The following METTL15 variants were observed in gnomAD, a reference collection of about 807,000 sequenced individuals.
The protein encoded by METTL15 is 12S rRNA N(4)-cytidine methyltransferase METTL15.
In METTL15, 34 loss-of-function variants were observed where a neutral mutation model predicts 38.3. That is an observed-to-expected ratio of 0.89 (90% CI 0.68 to 1.18). The LOEUF is 1.18. Among genes scored for constraint, METTL15 ranks in the 50% most tolerant of loss-of-function variants. The pLI, the probability that METTL15 is intolerant of heterozygous loss-of-function variation, is 0.00. For synonymous variants in METTL15, 162 were observed against 170.9 expected (o/e 0.95, Z 0.41); for missense variants, 438 against 498.4 (o/e 0.88, Z 1.15).
intron 3 of METTL15, among the ~76,000 whole-genome samples, chr11:28,154,038 T>G (rs1850181577): frequency 6.6e-6 from 1 of 152,162 alleles, no homozygotes; most frequent in Non-Finnish European, 1.5e-5. Flanking sequence ...ATTTTCAAAG[T>G]GGGTTCTTAC....
At chr11:28,379,886 T>A (rs1850362464) in intron 5 of METTL15, among the ~76,000 whole-genome samples, 1 of 152,322 alleles carries the variant, frequency 6.6e-6, no homozygotes, top group African/African-American at 2.4e-5. Flanking sequence ...TGTATTTGGG[T>A]GCTCCAGTGA....
At chr11:28,287,044 T>C (rs953623586) in intron 4 of METTL15, among the ~76,000 whole-genome samples, 4 of 151,168 alleles carry the variant, frequency 2.6e-5, no homozygotes, top group African/African-American at 9.7e-5. Context: ...GCACTATATA[T>C]ATGTACATAT....
chr11:28,287,868 G>A (rs984962436), intron 4 of METTL15, among the ~76,000 whole-genome samples: 22 of 151,980 alleles, frequency 1.4e-4, no homozygotes, highest in African/African-American at 4.8e-4. Flanking sequence ...CATTCTTCTG[G>A]GGACCAGGGG....
chr11:28,239,660 A>G (rs948699828), intron 4 of METTL15, among the ~76,000 whole-genome samples: 3 of 152,120 alleles, frequency 2.0e-5, no homozygotes, highest in Non-Finnish European at 4.4e-5. Flanking sequence ...CTTCCCAGCT[A>G]CCTTGCTGTT....
chr11:28,192,038 A>G lies in METTL15; in HGVS notation c.271-19024A>G, dbSNP rs528525669. ...ATAATCTCAAGTTATTTGAGTTACTATGTTTTACATCAAACATAGGCAACT... is the reference window on the plus strand; with the variant it reads ...ATAATCTCAAGTTATTTGAGTTACTGTGTTTTACATCAAACATAGGCAACT... On this transcript the variant is annotated intron_variant, in intron 3 of 6. Transcript: ENST00000407364. 7.9e-5 allele frequency among the ~76,000 whole-genome samples: 12 copies of G among 151,896 alleles called. No individual in the cohort carries two copies. In the Middle Eastern group the frequency reaches 0.01, roughly 129 times the overall value.
At chr11:28,265,785 A>T (rs910622313) in intron 4 of METTL15, among the ~76,000 whole-genome samples, 1 of 152,212 alleles carries the variant, frequency 6.6e-6, no homozygotes, top group Non-Finnish European at 1.5e-5. Flanking sequence ...TCCACATTTG[A>T]TAGATACTGG....
intron 5 of METTL15, among the ~76,000 whole-genome samples, chr11:28,413,466 T>C (rs181732791): frequency 1.3e-5 from 2 of 152,324 alleles, no homozygotes; most frequent in Non-Finnish European, 2.9e-5. Flanking sequence ...CAAAATAATG[T>C]ATATGCAAAT....
intron 5 of METTL15, among the ~76,000 whole-genome samples, chr11:28,294,523 A>G (rs531490988): frequency 6.6e-6 from 1 of 152,294 alleles, no homozygotes; most frequent in East Asian, 1.9e-4. Context: ...TCTCATGTAG[A>G]AGCAATAGAA....
At chr11:28,219,920 G>A (rs1459765450) in intron 4 of METTL15, among the ~76,000 whole-genome samples, 1 of 152,186 alleles carries the variant, frequency 6.6e-6, no homozygotes, top group Non-Finnish European at 1.5e-5. Flanking sequence ...ACTATGGTCT[G>A]AGAGACAGTT....
rs1487675948 is a variant in METTL15 at position 28,160,318 on chromosome 11, C to A, written c.270+46714C>A. On this transcript the variant is annotated intron_variant, in intron 3 of 6. Transcript: ENST00000407364. ...CCGTTAGTTCTGTTCCTTTAGAGAACCCTGACTAATACAAGCCTATTGTTG... is the reference window on the plus strand; with the variant it reads ...CCGTTAGTTCTGTTCCTTTAGAGAAACCTGACTAATACAAGCCTATTGTTG... Among the ~76,000 whole-genome samples, 6 of 151,772 alleles carry A rather than the reference C, an allele frequency of 4.0e-5. No individual in the cohort carries two copies. In the East Asian group the frequency reaches 7.7e-4, roughly 20 times the overall value.
At chr11:28,513,979 C>T (rs1043635622) in intron 6 of METTL15, among the ~76,000 whole-genome samples, 6 of 152,302 alleles carry the variant, frequency 3.9e-5, no homozygotes, top group African/African-American at 1.4e-4. Context: ...CAGTTTATGG[C>T]CAGATTTTGG....
intron 6 of METTL15, among the ~76,000 whole-genome samples, chr11:28,438,743 C>T (rs561596336): frequency 1.4e-5 from 2 of 144,870 alleles, no homozygotes; most frequent in East Asian, 4.1e-4. Context: ...GGCACGAACT[C>T]GGCTCACTGC....
intron 6 of METTL15, among the ~76,000 whole-genome samples, chr11:28,478,045 A>G (rs1205220384): frequency 6.6e-6 from 1 of 152,136 alleles, no homozygotes; most frequent in African/African-American, 2.4e-5. Context: ...TTATCTATCT[A>G]TTAGCATGGC....
At chr11:28,110,730 A>T (rs567395051) in intron 2 of METTL15, among the ~76,000 whole-genome samples, 1 of 152,330 alleles carries the variant, frequency 6.6e-6, no homozygotes, top group African/African-American at 2.4e-5. Context: ...GACAAAATTG[A>T]CTGCAATGAT....
At chr11:28,291,616 C>A (rs1172880981) in intron 5 of METTL15, among the ~76,000 whole-genome samples, 1 of 152,080 alleles carries the variant, frequency 6.6e-6, no homozygotes. Flanking sequence ...GTTATACCTT[C>A]TTTTGCACAT....
intron 3 of METTL15, among the ~76,000 whole-genome samples, chr11:28,161,620 G>A (rs1850466921): frequency 3.9e-5 from 6 of 152,054 alleles, no homozygotes; most frequent in Admixed American, 3.9e-4. Context: ...AAGAAAATGA[G>A]TTGGGCCTTA....
intron 3 of METTL15, among the ~76,000 whole-genome samples, chr11:28,156,409 GAA>G (rs964634330): frequency 1.1e-3 from 164 of 152,270 alleles, no homozygotes; most frequent in African/African-American, 2.2e-3. Flanking sequence ...AGTGTGTTAA[GAA>G]AGTGTATATT....
intron 6 of METTL15, among the ~76,000 whole-genome samples, chr11:28,477,948 T>G (rs1157983848): frequency 6.6e-6 from 1 of 152,208 alleles, no homozygotes; most frequent in Non-Finnish European, 1.5e-5. Context: ...TGATTCTATA[T>G]AGATATGGTT....
rs762061942 is a variant in METTL15 at position 28,421,578 on chromosome 11, A to G, written c.*359-2721A>G. Among the ~76,000 whole-genome samples the G allele has an allele frequency of 3.9e-5, 6 of 152,186 alleles. No homozygotes were observed. The South Asian group carries it at 1.0e-3, about 26-fold the overall frequency. On this transcript the variant is annotated intron_variant and NMD_transcript_variant, in intron 5 of 7. Coordinates refer to the METTL15 transcript ENST00000532947. ...ACATATGCAAATGTATCAGTGTCAT[A>G]TGGCATATCAACAGAATGGAGGACA... is the stretch of plus-strand genomic sequence containing the variant.
Sources: gnomAD v4.1 joint callset for allele counts (sites outside exome capture counted in the v4.1 genomes callset) on GRCh38, gnomAD v4.1.1 for gene constraint, MANE v1.5 for transcripts, NCBI Gene and HGNC (gene_info 2026-07-23, HGNC 2026-07-21) for gene names.